The following PYGL variants were observed in gnomAD, a reference collection of about 807,000 sequenced individuals.
PYGL encodes glycogen phosphorylase, liver form.
A neutral mutation model predicts 100.1 loss-of-function variants in PYGL; 90 were observed. The ratio of observed to expected loss-of-function variants is 0.90; its 90% CI spans 0.76 to 1.07. The LOEUF (loss-of-function observed/expected upper bound fraction) is 1.07. Among genes scored for constraint, PYGL ranks in the 50% least tolerant of loss-of-function variants. PYGL has a pLI of 0.00. For synonymous variants in PYGL, 373 were observed against 393.0 expected (o/e 0.95, Z 0.60); for missense variants, 1,016 against 1,057.6 (o/e 0.96, Z 0.55).
chr14:50,918,227 G>A (rs2050471334), intron 7 of PYGL, among the ~76,000 whole-genome samples: 1 of 152,154 alleles, frequency 6.6e-6, no homozygotes, highest in African/African-American at 2.4e-5. Flanking sequence ...TTTTTACACT[G>A]CTGGTGGGAA....
chr14:50,912,236 A>G lies in PYGL; in HGVS notation c.1688T>C (p.Met563Thr). 1.2e-6 allele frequency: 2 copies of G among 1,613,968 alleles called. No individual in the cohort carries two copies. The highest frequency in any genetic ancestry group is 2.2e-5 in the East Asian group (1 of 44,874). ...TATCCTCTTCACCTGGACATCAAAC[A>G]TGGAGGATGGGTTGATCTTCACTTT... ...EYKVKINPSSMFDVQVKRIHE... is the reference protein window; with the variant it reads ...EYKVKINPSSTFDVQVKRIHE... The change falls in exon 14 of 20, where the codon ATG (methionine) becomes ACG (threonine). Residue 563 changes from methionine to threonine, a missense_variant. Physicochemically the swap from Met to Thr is moderately conservative, Grantham distance 81 (BLOSUM62 -1). Transcript: ENST00000216392.
At chr14:50,942,104 C>T (rs1241381529) in intron 1 of PYGL, among the ~76,000 whole-genome samples, 1 of 152,184 alleles carries the variant, frequency 6.6e-6, no homozygotes, top group East Asian at 1.9e-4. Context: ...CTTGGACACA[C>T]CTACTTGCTC....
At chr14:50,915,751 G>A in intron 10 of PYGL, 74 bp downstream of exon 10, 1 of 1,550,800 alleles carries the variant, frequency 6.4e-7, no homozygotes, top group Non-Finnish European at 8.8e-7. Flanking sequence ...TTGGTAAGAG[G>A]GAACACTGTA....
chr14:50,909,065 T>C, intron 17 of PYGL, 110 bp from the exon 18 acceptor site: 2 of 1,242,660 alleles, frequency 1.6e-6, no homozygotes, highest in Admixed American at 1.9e-5. Flanking sequence ...TCAGAAATAC[T>C]AGCATTCAAA....
In PYGL at chr14:50,913,028, C is replaced by A. The variant is rs113993981; in HGVS notation, c.1620+1G>T. 1 of 1,613,834 alleles carries A rather than the reference C, an allele frequency of 6.2e-7. No homozygotes were observed. Among genetic ancestry groups the A allele is most frequent in the South Asian group, 1.1e-5 (1 of 91,076 alleles). On this transcript the variant is annotated splice_donor_variant, in intron 13 of 19. Transcript: ENST00000216392. LOFTEE classifies it high-confidence loss of function. ...AGGGGACCCACACCTGGAAGGCTCA[C>A]CTGCTTCACCTTGGCGAGTTCCCGG...
chr14:50,927,626 A>G (rs1200694624), intron 4 of PYGL, among the ~76,000 whole-genome samples: 1 of 152,200 alleles, frequency 6.6e-6, no homozygotes, highest in African/African-American at 2.4e-5. Flanking sequence ...TTTTAGCTTC[A>G]TGGGGCTAAC....
rs750842470 is a variant in PYGL at position 50,908,293 on chromosome 14, T to C, written c.2357A>G (p.Asp786Gly). The C allele has an allele frequency of 4.4e-6, 7 of 1,602,452 alleles. No homozygotes were observed. In the South Asian group the frequency reaches 6.6e-5, roughly 15 times the overall value. ...ADYEAYVKCQ[D>G]KVSQLYMNPK... ...CACCATGTACAGCTGACTCACTTTA[T>C]CTTGACACTTGACATAGGCTTCGTA... Residue 786 changes from aspartate (D) to glycine (G), a missense_variant, in exon 19 of 20, where the codon GAT becomes GGT. Transcript: ENST00000216392.
intron 16 of PYGL, 58 bp from the exon 17 acceptor site, chr14:50,910,160 T>A: frequency 6.6e-7 from 1 of 1,518,706 alleles, no homozygotes; most frequent in Non-Finnish European, 9.1e-7. Flanking sequence ...GCTTGTATTG[T>A]ATTGAAGCAT....
At chr14:50,937,685 T>G in intron 2 of PYGL, 51 bp downstream of exon 2, 1 of 1,523,938 alleles carries the variant, frequency 6.6e-7, no homozygotes. Context: ...TTTCCTGAAG[T>G]GCACATGAAA....
intron 3 of PYGL, 24 bp downstream of exon 3, chr14:50,935,083 T>C (rs2050642284): frequency 1.3e-6 from 2 of 1,582,550 alleles, no homozygotes; most frequent in Admixed American, 1.7e-5. Flanking sequence ...CCAGACAATA[T>C]AATACACTCA....
chr14:50,915,099 T>G (rs1291035892), intron 11 of PYGL: 2 of 634,592 alleles, frequency 3.2e-6, no homozygotes, highest in Non-Finnish European at 5.4e-6. Context: ...GGTATTTTGT[T>G]TGTTTGTTTG....
chr14:50,919,549 C>A (rs1391553535), intron 7 of PYGL, among the ~76,000 whole-genome samples: 3 of 152,092 alleles, frequency 2.0e-5, no homozygotes, highest in African/African-American at 7.2e-5. Flanking sequence ...TCTGAGACCA[C>A]TTTAAAAAAA....
chr14:50,944,221 G>C lies in PYGL; in HGVS notation c.183C>G (p.Arg61=), dbSNP rs1042193. 6 of 1,612,686 alleles carry C rather than the reference G, an allele frequency of 3.7e-6. No homozygotes were observed. In the South Asian group the frequency reaches 6.6e-5, roughly 18 times the overall value. ...GGATCCAGCGCCCCACCAGGTGGTC[G>C]CGCACCGTGTGCGCCAGCGCGAAGT... ...DYYFALAHTV[R]DHLVGRWIRT... The change falls in exon 1 of 20, where the codon CGC becomes CGG. Residue 61 remains arginine (R), a synonymous_variant. Transcript: ENST00000216392.
intron 17 of PYGL, among the ~76,000 whole-genome samples, chr14:50,909,359 A>G (rs1242501184): frequency 2.0e-5 from 3 of 152,220 alleles, no homozygotes; most frequent in Non-Finnish European, 2.9e-5. Flanking sequence ...TCCAAGGGTC[A>G]GGAAGTATAT....
At chr14:50,913,564 CG>C (rs2050419542) in intron 12 of PYGL, among the ~76,000 whole-genome samples, 1 of 151,770 alleles carries the variant, frequency 6.6e-6, no homozygotes, top group South Asian at 2.1e-4. Context: ...TTAGTAGAGA[CG>C]GGGTTTCACT....
chr14:50,915,533 C>T (rs769674367), intron 10 of PYGL, 34 bp from the exon 11 acceptor site: 1 of 1,613,016 alleles, frequency 6.2e-7, no homozygotes, highest in African/African-American at 1.3e-5. Context: ...TTGCTGGTCA[C>T]TCAGGTTTAA....
At chr14:50,919,139 G>C (rs918693949) in intron 7 of PYGL, among the ~76,000 whole-genome samples, 1 of 152,172 alleles carries the variant, frequency 6.6e-6, no homozygotes, top group Non-Finnish European at 1.5e-5. Context: ...TATATTGTCA[G>C]TTACTGCAGA....
intron 4 of PYGL, among the ~76,000 whole-genome samples, chr14:50,928,147 A>G (rs571577743): frequency 2.0e-5 from 3 of 152,256 alleles, no homozygotes; most frequent in Admixed American, 6.5e-5. Flanking sequence ...GAATGACTCA[A>G]TGGAATCTGT....
In PYGL at chr14:50,935,176, C is replaced by T; in HGVS notation, c.355G>A (p.Asp119Asn). The T allele has an allele frequency of 6.2e-7, 1 of 1,611,346 alleles. No homozygotes were observed. Among genetic ancestry groups the T allele is most frequent in the Non-Finnish European group, 8.5e-7 (1 of 1,177,520 alleles). Reference protein sequence around the residue: ...CDEAIYQLGLDIEELEEIEED... With the variant: ...CDEAIYQLGLNIEELEEIEED... Reference sequence around the variant, plus strand: ...TCAATTTCTTCTAACTCTTCTATATCCAATCCAAGCTGGTAATGAAAGGAA... The same window carrying T: ...TCAATTTCTTCTAACTCTTCTATATTCAATCCAAGCTGGTAATGAAAGGAA... The change falls in exon 3 of 20, where the codon GAT (aspartate) becomes AAT (asparagine). Residue 119 changes from aspartate (D) to asparagine (N), a missense_variant. Transcript: ENST00000216392.
Sources: gnomAD v4.1 joint callset for allele counts (sites outside exome capture counted in the v4.1 genomes callset) on GRCh38, gnomAD v4.1.1 for gene constraint, MANE v1.5 for transcripts, NCBI Gene and HGNC (gene_info 2026-07-23, HGNC 2026-07-21) for gene names.